SGCD: variants seen among roughly 807,000 people sequenced by gnomAD.
SGCD encodes sarcoglycan delta, also known as delta-sarcoglycan.
A neutral mutation model predicts 36.6 loss-of-function variants in SGCD; 18 were observed. That is an observed-to-expected ratio of 0.49 (90% CI 0.34 to 0.73). The LOEUF is 0.73. SGCD is among the 30% of genes least tolerant of loss of function. The probability of loss-of-function intolerance (pLI) is 0.01; values close to 1 mark genes in which losing one functional copy is unlikely to be tolerated. For missense variants in SGCD, 387 were observed against 346.7 expected (o/e 1.12, Z -0.92); for synonymous variants, 133 against 130.6 (o/e 1.02, Z -0.12).
the SGCD span, among the ~76,000 whole-genome samples, chr5:155,734,832 G>A: frequency 5.3e-5 from 8 of 152,234 alleles, no homozygotes; most frequent in Admixed American, 2.0e-4. Context: ...CTGTTTATAA[G>A]GTCTCAGCAT....
chr5:156,007,026 C>A (rs1490564902), intron 1 of SGCD, among the ~76,000 whole-genome samples: 1 of 152,204 alleles, frequency 6.6e-6, no homozygotes, highest in Non-Finnish European at 1.5e-5. Context: ...CAACTGCACA[C>A]CTTGAAATCG....
intron 3 of SGCD, among the ~76,000 whole-genome samples, chr5:156,293,674 A>G (rs937909848): frequency 6.6e-6 from 1 of 152,096 alleles, no homozygotes; most frequent in Non-Finnish European, 1.5e-5. Flanking sequence ...TGGTCTATGT[A>G]TCTGTATTTA....
chr5:156,169,969 G>A (rs1297333558), intron 3 of SGCD, among the ~76,000 whole-genome samples: 1 of 152,132 alleles, frequency 6.6e-6, no homozygotes. Flanking sequence ...GGGTGTGCCC[G>A]TGGTGTGACG....
At chr5:156,496,074 G>A (rs1362149932) in intron 3 of SGCD, among the ~76,000 whole-genome samples, 1 of 152,090 alleles carries the variant, frequency 6.6e-6, no homozygotes, top group Non-Finnish European at 1.5e-5. Flanking sequence ...TGAGTTGTGG[G>A]CATCACTTCC....
chr5:156,229,912 T>C (rs1764971835), intron 3 of SGCD, among the ~76,000 whole-genome samples: 1 of 152,196 alleles, frequency 6.6e-6, no homozygotes, highest in African/African-American at 2.4e-5. Context: ...GACCTTATTT[T>C]TGAGTTCCGA....
At chr5:156,532,629 T>C (rs1757934092) in intron 4 of SGCD, among the ~76,000 whole-genome samples, 1 of 152,012 alleles carries the variant, frequency 6.6e-6, no homozygotes, top group Non-Finnish European at 1.5e-5. Flanking sequence ...TCCGGCTAAT[T>C]TTTTTATTTT....
At chr5:156,743,618 G>A (rs1561891796) in intron 7 of SGCD, among the ~76,000 whole-genome samples, 2 of 152,126 alleles carry the variant, frequency 1.3e-5, no homozygotes, top group Non-Finnish European at 2.9e-5. Context: ...TTTTGTAATG[G>A]CCAAGCTTGC....
chr5:156,668,897 T>C (rs2113651173), intron 7 of SGCD, among the ~76,000 whole-genome samples: 1 of 152,280 alleles, frequency 6.6e-6, no homozygotes, highest in East Asian at 1.9e-4. Flanking sequence ...TTGCATATTT[T>C]CAATTGAGAC....
the SGCD span, among the ~76,000 whole-genome samples, chr5:155,789,935 G>T: frequency 1.3e-5 from 2 of 151,910 alleles, no homozygotes; most frequent in African/African-American, 2.4e-5. Context: ...AATTTTCTTA[G>T]TAGTTCTTCT....
chr5:156,142,235 C>G (rs953632596), intron 3 of SGCD, among the ~76,000 whole-genome samples: 1 of 152,156 alleles, frequency 6.6e-6, no homozygotes, highest in Non-Finnish European at 1.5e-5. Flanking sequence ...GGGGCCTCCC[C>G]GGAAGCAGAA....
At chr5:155,882,847 C>CT (rs1409408058) in intron 1 of SGCD, among the ~76,000 whole-genome samples, 1 of 152,186 alleles carries the variant, frequency 6.6e-6, no homozygotes, top group East Asian at 1.9e-4. Context: ...GGGAGTCAGC[C>CT]TGCCCTTTGA....
chr5:156,685,561 A>G (rs912520453), intron 7 of SGCD, among the ~76,000 whole-genome samples: 3 of 152,156 alleles, frequency 2.0e-5, no homozygotes, highest in Admixed American at 1.3e-4. Context: ...TGTAGCTCCT[A>G]GGGATGTAGG....
chr5:155,752,719 G>C, the SGCD span, among the ~76,000 whole-genome samples: 2 of 152,142 alleles, frequency 1.3e-5, no homozygotes, highest in Non-Finnish European at 1.5e-5. Flanking sequence ...GATATTAAGG[G>C]CTAGGTCTGT....
At chr5:156,446,572 G>T (rs563715158) in intron 3 of SGCD, among the ~76,000 whole-genome samples, 1 of 152,230 alleles carries the variant, frequency 6.6e-6, no homozygotes, top group East Asian at 1.9e-4. Context: ...TCCCAACAGG[G>T]TTTACTTCCC....
At chr5:155,832,336 T>C in the SGCD span, among the ~76,000 whole-genome samples, 2 of 152,210 alleles carry the variant, frequency 1.3e-5, no homozygotes, top group Admixed American at 1.3e-4. Context: ...CTGTTCTCCA[T>C]ATGGTAGCAG....
At chr5:155,751,882 G>A in the SGCD span, among the ~76,000 whole-genome samples, 39 of 152,200 alleles carry the variant, frequency 2.6e-4, no homozygotes, top group African/African-American at 8.2e-4. Flanking sequence ...ATAGTACAAC[G>A]TGCTTTGAAG....
intron 3 of SGCD, among the ~76,000 whole-genome samples, chr5:156,383,810 C>A (rs75334195): frequency 6.6e-6 from 1 of 152,090 alleles, no homozygotes; most frequent in Non-Finnish European, 1.5e-5. Flanking sequence ...TGGAACAGAT[C>A]GTATCTTCTT....
intron 3 of SGCD, among the ~76,000 whole-genome samples, chr5:156,136,230 A>G (rs1762453070): frequency 6.6e-6 from 1 of 152,132 alleles, no homozygotes; most frequent in Non-Finnish European, 1.5e-5. Flanking sequence ...CTCTCGCCTC[A>G]GCTTCCTGAG....
chr5:156,164,845 A>G (rs1030186030), intron 3 of SGCD, among the ~76,000 whole-genome samples: 12 of 152,218 alleles, frequency 7.9e-5, no homozygotes, highest in Non-Finnish European at 1.6e-4. Flanking sequence ...CTTGTTAACT[A>G]TTTGAAGGGA....
Sources: gnomAD v4.1 joint callset for allele counts (sites outside exome capture counted in the v4.1 genomes callset) on GRCh38, gnomAD v4.1.1 for gene constraint, MANE v1.5 for transcripts, NCBI Gene and HGNC (gene_info 2026-07-23, HGNC 2026-07-21) for gene names.